PTPN14: variants seen among roughly 807,000 people sequenced by gnomAD.
PTPN14 encodes protein tyrosine phosphatase non-receptor type 14, also known as tyrosine-protein phosphatase non-receptor type 14.
A neutral mutation model predicts 126.8 loss-of-function variants in PTPN14; 53 were observed. That is an observed-to-expected ratio of 0.42 (90% CI 0.34 to 0.53). The LOEUF is 0.53. Ranked by LOEUF, PTPN14 falls within the 20% of genes least tolerant of loss-of-function variation. The pLI, the probability that PTPN14 is intolerant of heterozygous loss-of-function variation, is 0.08. For missense variants in PTPN14, 1,257 were observed against 1,552.9 expected (o/e 0.81, Z 3.20); for synonymous variants, 630 against 599.3 (o/e 1.05, Z -0.75).
At chr1:214,449,472 T>C (rs552955610) in intron 3 of PTPN14, among the ~76,000 whole-genome samples, 45 of 152,324 alleles carry the variant, frequency 3.0e-4, no homozygotes, top group Admixed American at 1.3e-4. Context: ...CTTTTTTCAA[T>C]ATACACTAAT....
intron 1 of PTPN14, among the ~76,000 whole-genome samples, chr1:214,468,972 T>C (rs74139884): frequency 0.091 from 13,782 of 152,020 alleles, 639 homozygotes; most frequent in South Asian, 0.12. Flanking sequence ...AGAAACACAT[T>C]TTTTTCACCT....
At chr1:214,426,605 G>GT (rs1659670013) in intron 3 of PTPN14, among the ~76,000 whole-genome samples, 1 of 152,118 alleles carries the variant, frequency 6.6e-6, no homozygotes, top group African/African-American at 2.4e-5. Flanking sequence ...TAGGACATGG[G>GT]TAGAGGGATG....
At chr1:214,377,661 AG>A (rs1658373980) in intron 14 of PTPN14, among the ~76,000 whole-genome samples, 1 of 152,206 alleles carries the variant, frequency 6.6e-6, no homozygotes, top group Non-Finnish European at 1.5e-5. Flanking sequence ...TTTACAAAAC[AG>A]GAAGTGGGCC....
rs1657725704 is a variant in PTPN14, at chr1:214,352,504, T to C, written c.*5418A>G. ...TGAGGTGGCAGAATTTGATGAGATT[T>C]CCCCCACATTTCTCCCTGGCACGTT... On this transcript the variant is annotated 3_prime_UTR_variant, in exon 19 of 19. Coordinates refer to ENST00000366956, the MANE Select transcript of PTPN14 (RefSeq NM_005401.5). 1 of 152,174 alleles carries C rather than the reference T, an allele frequency of 6.6e-6. No individual in the cohort carries two copies. The highest frequency in any genetic ancestry group is 6.5e-5 in the Admixed American group (1 of 15,272). The allele number at this position is 152,174 out of a possible 1,614,324, so 9.4% of individuals were successfully genotyped here.
intron 1 of PTPN14, among the ~76,000 whole-genome samples, chr1:214,519,950 G>A (rs1358097176): frequency 6.6e-6 from 1 of 150,878 alleles, no homozygotes; most frequent in Non-Finnish European, 1.5e-5. Context: ...GGGAGGGTGA[G>A]GTGGGAGGAT....
intron 1 of PTPN14, among the ~76,000 whole-genome samples, chr1:214,534,898 G>A (rs1012610948): frequency 6.6e-6 from 1 of 152,034 alleles, no homozygotes; most frequent in African/African-American, 2.4e-5. Flanking sequence ...AATGGGATGT[G>A]AAGAGACAAC....
intron 3 of PTPN14, among the ~76,000 whole-genome samples, chr1:214,423,687 TA>T (rs1268087662): frequency 6.6e-6 from 1 of 152,172 alleles, no homozygotes; most frequent in Non-Finnish European, 1.5e-5. Context: ...AGCTTAAAAA[TA>T]TCTGAGTACC....
intron 3 of PTPN14, among the ~76,000 whole-genome samples, chr1:214,434,899 G>A (rs1659878237): frequency 6.6e-6 from 1 of 152,296 alleles, no homozygotes; most frequent in East Asian, 1.9e-4. Context: ...ATGTGACTAT[G>A]AGACTGGTTT....
chr1:214,384,010 C>T lies in PTPN14; in HGVS notation c.1845G>A (p.Pro615=), dbSNP rs538030354. 32 of 1,606,190 alleles carry T rather than the reference C, an allele frequency of 2.0e-5. No homozygotes were observed. Among genetic ancestry groups the T allele is most frequent in the Middle Eastern group, 1.7e-4 (1 of 6,046 alleles). ...CCTCCTGGAGAGACTGATGAACCAC[C>T]GGAGAGCTGTCCTCTTGGAAGGTCT... ...SVKTFQEDSS[P]VVHQSLQEVS... is the part of the protein sequence containing the mutation. Residue 615 remains proline (P), a synonymous_variant, in exon 13 of 19, where the codon CCG becomes CCA. Coordinates refer to ENST00000366956, the MANE Select transcript of PTPN14 (RefSeq NM_005401.5). This position sits in a 1 kb window ranked among gnomAD's most constrained non-coding sequence, Gnocchi z 5.3.
At chr1:214,452,652 G>T (rs1407820635) in intron 2 of PTPN14, among the ~76,000 whole-genome samples, 1 of 152,176 alleles carries the variant, frequency 6.6e-6, no homozygotes, top group Non-Finnish European at 1.5e-5. Context: ...GGATTTGTTA[G>T]ATGAAAGTGA....
rs1657784258 is a variant in PTPN14, at chr1:214,355,027, A to G, written c.*2895T>C. ...CTAATTTAACAGGAGATATGTTGGC[A>G]TTTACTGGAGATGTGAAAAGGAATG... On this transcript the variant is annotated 3_prime_UTR_variant, in exon 19 of 19. Transcript: ENST00000366956. 6.6e-6 allele frequency: 1 copy of G among 152,264 alleles called. No individual in the cohort carries two copies. Among genetic ancestry groups the G allele is most frequent in the Admixed American group, 6.5e-5 (1 of 15,292 alleles). The allele number at this position is 152,264 out of a possible 1,614,324, so 9.4% of individuals were successfully genotyped here.
Position 214,355,415 on chromosome 1 carries a change from C to G in PTPN14, c.*2507G>C, listed in dbSNP as rs1657795111. On this transcript the variant is annotated 3_prime_UTR_variant, in exon 19 of 19. Transcript: ENST00000366956. The stretch of plus-strand genomic sequence containing the variant: ...AGACCACTTGCTAAAACATCCCTAA[C>G]AGCAGAATATCCCAAGGATGGAAAA... 1 of 152,222 alleles carries G rather than the reference C, an allele frequency of 6.6e-6. No individual in the cohort carries two copies. Among genetic ancestry groups the G allele is most frequent in the Admixed American group, 6.5e-5 (1 of 15,284 alleles). 9.4% of individuals were successfully genotyped at this position (152,222 alleles called of 1,614,324 possible). A position where few individuals can be genotyped will look rare whatever the true frequency, so the allele number is the denominator to read the frequency against.
rs71165970 is a variant in PTPN14, at chr1:214,449,011, C to CTTTTTTTTTTTTTTTTT, written c.344+2793_344+2794insAAAAAAAAAAAAAAAAA. ...TGTGCCCTTGTAAGACTTAATTTTT[C>CTTTTTTTTTTTTTTTTT]TTTTTTTTTTTTTGAGACGGAGTCT... is the stretch of plus-strand genomic sequence containing the variant. On this transcript the variant is annotated intron_variant, in intron 3 of 18. Coordinates refer to ENST00000366956, the MANE Select transcript of PTPN14 (RefSeq NM_005401.5). 2.7e-3 allele frequency among the ~76,000 whole-genome samples: 298 copies of CTTTTTTTTTTTTTTTTT among 112,312 alleles called. 27 individuals carry two copies. The highest frequency in any genetic ancestry group is 7.0e-3 in the East Asian group (23 of 3,298). 73.7% of individuals were successfully genotyped at this position (112,312 alleles called of 152,430 possible).
intron 1 of PTPN14, among the ~76,000 whole-genome samples, chr1:214,501,149 C>A (rs889708838): frequency 2.0e-5 from 3 of 152,196 alleles, no homozygotes; most frequent in African/African-American, 7.2e-5. Flanking sequence ...CCAAATTCGT[C>A]TTTTCATATT....
At chr1:214,360,244 T>G (rs1221376285) in intron 18 of PTPN14, among the ~76,000 whole-genome samples, 1 of 152,234 alleles carries the variant, frequency 6.6e-6, no homozygotes, top group African/African-American at 2.4e-5. Flanking sequence ...TGTATAGGTA[T>G]GACATGACAC....
intron 3 of PTPN14, among the ~76,000 whole-genome samples, chr1:214,445,122 A>C (rs1424712206): frequency 1.3e-5 from 2 of 152,216 alleles, no homozygotes; most frequent in Non-Finnish European, 2.9e-5. Flanking sequence ...AGGCAGTTTT[A>C]CCTGGCTGAC....
intron 7 of PTPN14, among the ~76,000 whole-genome samples, chr1:214,399,611 G>T (rs1571974750): frequency 6.6e-6 from 1 of 152,160 alleles, no homozygotes; most frequent in Admixed American, 6.5e-5. Flanking sequence ...TAAAGCTCTC[G>T]ATGTGTCTCT....
intron 9 of PTPN14, 122 bp from the exon 10 acceptor site, chr1:214,393,899 A>G: frequency 1.3e-6 from 1 of 775,638 alleles, no homozygotes; most frequent in Non-Finnish European, 2.1e-6. Flanking sequence ...ACAAAATAAT[A>G]CATGGGCCAG....
At chr1:214,463,684 T>A (rs1231969667) in intron 2 of PTPN14, among the ~76,000 whole-genome samples, 1 of 152,116 alleles carries the variant, frequency 6.6e-6, no homozygotes, top group Admixed American at 6.5e-5. Context: ...TTGCCACCCC[T>A]CTTCTGTCAT....
Sources: allele counts gnomAD v4.1 joint callset (sites outside exome capture counted in the v4.1 genomes callset), GRCh38; gene constraint gnomAD v4.1.1; non-coding constraint Gnocchi (gnomAD v3.1); transcripts MANE v1.5; gene names NCBI Gene and HGNC (gene_info 2026-07-23, HGNC 2026-07-21).